RAD21L1: variants seen among roughly 807,000 people sequenced by gnomAD.
The protein encoded by RAD21L1 is RAD21 cohesin complex component like 1, also known as double-strand-break repair protein rad21-like protein 1.
Under a neutral mutation model 69.0 loss-of-function variants are expected in RAD21L1, and 47 were observed. That is an observed-to-expected ratio of 0.68 (90% CI 0.54 to 0.87). The LOEUF is 0.87. RAD21L1 is among the 40% of genes least tolerant of loss of function. The pLI, the probability that RAD21L1 is intolerant of heterozygous loss-of-function variation, is 0.00. For missense variants in RAD21L1, 583 were observed against 647.6 expected, an observed-to-expected ratio of 0.90 and a Z score of 1.08; for synonymous variants, 177 against 205.8, an observed-to-expected ratio of 0.86 and a Z score of 1.20.
intron 5 of RAD21L1, among the ~76,000 whole-genome samples, chr20:1,235,727 C>A (rs1012629852): frequency 7.2e-5 from 11 of 151,978 alleles, no homozygotes; most frequent in Non-Finnish European, 1.2e-4. Flanking sequence ...ACACTCTTTA[C>A]AAATTCCCCT....
At chr20:1,232,605 T>G (rs900468953) in intron 4 of RAD21L1, among the ~76,000 whole-genome samples, 45 of 152,350 alleles carry the variant, frequency 3.0e-4, no homozygotes, top group African/African-American at 1.1e-3. Flanking sequence ...TATATGATTT[T>G]TGGCATGAGA....
rs1433965875 is a variant in RAD21L1, at chr20:1,255,856, C to G, written c.*1399C>G. On this transcript the variant is annotated 3_prime_UTR_variant, in exon 14 of 14. Transcript: ENST00000683101. ...GCTTTCGATACGGGCTTCTTTCACTCATAAATGTCTTTGAGACTTATCAAG... is the reference window on the plus strand; with the variant it reads ...GCTTTCGATACGGGCTTCTTTCACTGATAAATGTCTTTGAGACTTATCAAG... Among the ~76,000 whole-genome samples, 1 of 152,192 alleles carries G rather than the reference C, an allele frequency of 6.6e-6. No homozygotes were observed. Among genetic ancestry groups the G allele is most frequent in the East Asian group, 1.9e-4 (1 of 5,198 alleles).
chr20:1,228,603 T>C lies in RAD21L1; in HGVS notation c.144+6T>C. 1 of 1,518,078 alleles carries C rather than the reference T, an allele frequency of 6.6e-7. No homozygotes were observed. Among genetic ancestry groups the C allele is most frequent in the South Asian group, 1.2e-5 (1 of 80,230 alleles). The allele number at this position is 1,518,078 out of a possible 1,614,324, so 94.0% of individuals were successfully genotyped here. ...AAAAAATTCTTTCACCCAAGGTATG[T>C]TACTGATTAAAATGATAGCTTGTAT... On this transcript the variant is annotated splice_donor_region_variant and intron_variant, in intron 2 of 13. Transcript: ENST00000683101.
At chr20:1,227,055 G>C (rs1035850174) in intron 1 of RAD21L1, among the ~76,000 whole-genome samples, 1 of 151,690 alleles carries the variant, frequency 6.6e-6, no homozygotes, top group Non-Finnish European at 1.5e-5. Context: ...GATTACAGAC[G>C]CCCGCCACCG....
In RAD21L1 at chr20:1,228,434, A is replaced by C. The variant is rs1205146492; in HGVS notation, c.-20A>C. On this transcript the variant is annotated 5_prime_UTR_variant, in exon 2 of 14. Coordinates refer to ENST00000683101, the MANE Select transcript of RAD21L1 (RefSeq NM_001384355.1). Reference sequence around the variant, plus strand: ...GTGTTCTCTCTAGTTTGTTAAATACAAGTAAGGAACACAGGCAACATGTTC... The same window carrying C: ...GTGTTCTCTCTAGTTTGTTAAATACCAGTAAGGAACACAGGCAACATGTTC... 8.9e-6 allele frequency: 13 copies of C among 1,459,774 alleles called. No individual in the cohort carries two copies. Among genetic ancestry groups the C allele is most frequent in the Non-Finnish European group, 1.1e-5 (12 of 1,105,546 alleles). 90.4% of individuals were successfully genotyped at this position (1,459,774 alleles called of 1,614,324 possible).
intron 7 of RAD21L1, 77 bp downstream of exon 7, chr20:1,239,484 C>A: frequency 1.3e-6 from 1 of 745,934 alleles, no homozygotes; most frequent in Non-Finnish European, 2.3e-6. Flanking sequence ...ATTTAAGTAG[C>A]AATATAGTAT....
intron 13 of RAD21L1, among the ~76,000 whole-genome samples, chr20:1,252,785 T>C (rs2087860848): frequency 6.6e-6 from 1 of 152,184 alleles, no homozygotes; most frequent in African/African-American, 2.4e-5. Context: ...CTCACTCAAA[T>C]CAGCTTGCTT....
intron 12 of RAD21L1, among the ~76,000 whole-genome samples, chr20:1,248,306 G>GTTGT (rs2087757942): frequency 6.6e-6 from 1 of 152,018 alleles, no homozygotes; most frequent in African/African-American, 2.4e-5. Context: ...CTAGGCAAAA[G>GTTGT]TTGTTGTCTT....
chr20:1,235,885 C>T (rs368323180), intron 5 of RAD21L1, among the ~76,000 whole-genome samples: 8 of 152,066 alleles, frequency 5.3e-5, no homozygotes, highest in Admixed American at 6.5e-5. Flanking sequence ...CTCCTGCCTC[C>T]GCCTCTGGAG....
chr20:1,238,433 G>C (rs1329225525), intron 6 of RAD21L1, among the ~76,000 whole-genome samples: 1 of 152,038 alleles, frequency 6.6e-6, no homozygotes, highest in Non-Finnish European at 1.5e-5. Flanking sequence ...TTCTATAGAG[G>C]TTATGAACTA....
chr20:1,249,157 C>G (rs2087775710), intron 13 of RAD21L1, among the ~76,000 whole-genome samples: 1 of 152,116 alleles, frequency 6.6e-6, no homozygotes, highest in South Asian at 2.1e-4. Context: ...TCCCTAAGTC[C>G]TGCTCACCAG....
intron 13 of RAD21L1, among the ~76,000 whole-genome samples, chr20:1,250,117 G>A (rs1353639981): frequency 6.6e-6 from 1 of 150,432 alleles, no homozygotes; most frequent in Non-Finnish European, 1.5e-5. Context: ...TTGGTTTTTT[G>A]TCCTTGCCAT....
intron 13 of RAD21L1, among the ~76,000 whole-genome samples, chr20:1,253,285 C>T (rs1182453016): frequency 6.6e-6 from 1 of 152,166 alleles, no homozygotes; most frequent in Non-Finnish European, 1.5e-5. Context: ...CCAGTATTCA[C>T]TGCAGTACTT....
intron 12 of RAD21L1, among the ~76,000 whole-genome samples, chr20:1,247,143 G>T (rs1273977199): frequency 6.6e-6 from 1 of 152,082 alleles, no homozygotes; most frequent in African/African-American, 2.4e-5. Flanking sequence ...TTTGCTATTC[G>T]CTGTGCTTCT....
At chr20:1,226,261 T>TCG (rs1473745443) in intron 1 of RAD21L1, 121 bp downstream of exon 1, 8 of 151,362 alleles carry the variant, frequency 5.3e-5, no homozygotes, top group Admixed American at 4.6e-4. Context: ...CCGTGTTAGC[T>TCG]CGCGGCGCCA....
chr20:1,250,843 T>G (rs193302532), intron 13 of RAD21L1, among the ~76,000 whole-genome samples: 94 of 152,332 alleles, frequency 6.2e-4, no homozygotes, highest in African/African-American at 2.2e-3. Context: ...TCTTATCAAA[T>G]GATCCATCAG....
chr20:1,241,534 G>A (rs186974807), intron 8 of RAD21L1, among the ~76,000 whole-genome samples: 1 of 152,218 alleles, frequency 6.6e-6, no homozygotes, highest in Non-Finnish European at 1.5e-5. Flanking sequence ...TCACCACTGA[G>A]CCTCTATCTC....
chr20:1,246,365 C>A lies in RAD21L1; in HGVS notation c.1401+60C>A, dbSNP rs781220755. 1.6e-5 allele frequency: 12 copies of A among 741,378 alleles called. No homozygotes were observed. In the African/African-American group the frequency reaches 1.8e-4, roughly 11 times the overall value. The allele number at this position is 741,378 out of a possible 1,614,324, so 45.9% of individuals were successfully genotyped here. On this transcript the variant is annotated intron_variant, in intron 12 of 13. Transcript: ENST00000683101. The surrounding 1 kb of genome is among the most constrained non-coding windows in gnomAD (Gnocchi z 4.6). ...AAACTTTATTCCTAAATATTTAACA[C>A]CTTATTTATCTAAAACTTGGCTTTT...
At position 1,240,369 on chromosome 20, in the gene RAD21L1, T is replaced by C; in HGVS notation, c.791T>C (p.Met264Thr). 1.3e-6 allele frequency: 2 copies of C among 1,549,494 alleles called. No homozygotes were observed. Among genetic ancestry groups the C allele is most frequent in the Non-Finnish European group, 1.7e-6 (2 of 1,146,078 alleles). The change falls in exon 8 of 14, where the codon ATG becomes ACG. Residue 264 changes from methionine to threonine, a missense_variant. Met to Thr is a moderately conservative substitution (Grantham distance 81, BLOSUM62 -1). Coordinates refer to ENST00000683101, the MANE Select transcript of RAD21L1 (RefSeq NM_001384355.1). ...ATATGTGTACCTGAAAATGAAAAAATGAATGAAACAATATTATTATCAACT... is the reference window on the plus strand; with the variant it reads ...ATATGTGTACCTGAAAATGAAAAAACGAATGAAACAATATTATTATCAACT... ...ECICVPENEK[M>T]NETILLSTEE... is the part of the protein sequence containing the mutation.
Sources: gnomAD v4.1 joint callset for allele counts (sites outside exome capture counted in the v4.1 genomes callset) on GRCh38, gnomAD v4.1.1 for gene constraint, Gnocchi (gnomAD v3.1) non-coding constraint, MANE v1.5 for transcripts, NCBI Gene and HGNC (gene_info 2026-07-23, HGNC 2026-07-21) for gene names.